The following TUBAL3 variants were observed in gnomAD, a reference collection of about 807,000 sequenced individuals.
TUBAL3 encodes tubulin alpha chain-like 3.
A neutral mutation model predicts 15.5 loss-of-function variants in TUBAL3; 16 were observed. The observed-to-expected ratio is 1.04, with a 90% CI of 0.70 to 1.57. TUBAL3 has a LOEUF of 1.57. TUBAL3 is among the 40% of genes most tolerant of loss of function. The pLI is 0.00. For synonymous variants in TUBAL3, 238 were observed against 224.3 expected, an observed-to-expected ratio of 1.06 and a Z score of -0.55; for missense variants, 609 against 576.2, an observed-to-expected ratio of 1.06 and a Z score of -0.58.
chr10:5,395,568 C>T lies in TUBAL3; in HGVS notation c.248-93G>A. 1.6e-6 allele frequency: 2 copies of T among 1,277,690 alleles called. No homozygotes were observed. Among genetic ancestry groups the T allele is most frequent in the Non-Finnish European group, 2.1e-6 (2 of 974,936 alleles). The allele number at this position is 1,277,690 out of a possible 1,614,324, so 79.1% of individuals were successfully genotyped here. ...CCTCCTGGAGCCTCCCCGTACTTGA[C>T]TCCCATGCTTTCTCTCAATATTGTG... On this transcript the variant is annotated intron_variant, in intron 2 of 3. Coordinates refer to ENST00000380419, the MANE Select transcript of TUBAL3 (RefSeq NM_024803.3). This position sits in a 1 kb window ranked among gnomAD's most constrained non-coding sequence, Gnocchi z 4.6.
chr10:5,401,211 A>T (rs967226246), intron 1 of TUBAL3, 124 bp from the exon 2 acceptor site: 4 of 1,200,986 alleles, frequency 3.3e-6, no homozygotes, highest in Non-Finnish European at 4.6e-6. Context: ...GGAATGTGTT[A>T]TAAGGATAAT....
At chr10:5,398,350 G>C (rs1831796353) in intron 2 of TUBAL3, among the ~76,000 whole-genome samples, 1 of 149,912 alleles carries the variant, frequency 6.7e-6, no homozygotes, top group African/African-American at 2.5e-5. Flanking sequence ...AACCCGGGAG[G>C]CACAGGTTGC....
Position 5,395,487 on chromosome 10 carries a change from GA to G in TUBAL3, c.248-13del. The G allele has an allele frequency of 6.7e-7, 1 of 1,497,622 alleles. No individual in the cohort carries two copies. The highest frequency in any genetic ancestry group is 9.0e-7 in the Non-Finnish European group (1 of 1,111,304). 92.8% of individuals were successfully genotyped at this position (1,497,622 alleles called of 1,614,324 possible). ...CGTCCGGATCCCATCTGCAGAGGGT[GA>G]AAGGAGGTCAGTGCAACTCACCCAG... On this transcript the variant is annotated splice_polypyrimidine_tract_variant and intron_variant, in intron 2 of 3. Coordinates refer to ENST00000380419, the MANE Select transcript of TUBAL3 (RefSeq NM_024803.3). This position sits in a 1 kb window ranked among gnomAD's most constrained non-coding sequence, Gnocchi z 4.6.
Position 5,397,979 on chromosome 10 carries a change from C to T in TUBAL3, c.248-2504G>A, listed in dbSNP as rs1554814305. 6.6e-6 allele frequency among the ~76,000 whole-genome samples: 1 copy of T among 152,170 alleles called. No homozygotes were observed. Among genetic ancestry groups the T allele is most frequent in the Non-Finnish European group, 1.5e-5 (1 of 68,040 alleles). On this transcript the variant is annotated intron_variant, in intron 2 of 3. Coordinates refer to ENST00000380419, the MANE Select transcript of TUBAL3 (RefSeq NM_024803.3). This position sits in a 1 kb window ranked among gnomAD's most constrained non-coding sequence, Gnocchi z 4.9. ...CTTCATGACTCTGAATTTGCAAATG[C>T]TGTCACCTCATGAGAAGGTGTGTGA... is the stretch of plus-strand genomic sequence containing the variant.
At chr10:5,400,518 G>A (rs2119146455) in intron 2 of TUBAL3, among the ~76,000 whole-genome samples, 1 of 152,270 alleles carries the variant, frequency 6.6e-6, no homozygotes, top group African/African-American at 2.4e-5. Context: ...TGTAATCCCA[G>A]CTACTCAGAG....
chr10:5,400,725 T>A lies in TUBAL3; in HGVS notation c.247+119A>T, dbSNP rs1248084585. 4.7e-6 allele frequency: 6 copies of A among 1,283,346 alleles called. No homozygotes were observed. The Admixed American group carries it at 9.4e-5, about 20-fold the overall frequency. 79.5% of individuals were successfully genotyped at this position (1,283,346 alleles called of 1,614,324 possible). A position where few individuals can be genotyped will look rare whatever the true frequency, so the allele number is the denominator to read the frequency against. On this transcript the variant is annotated intron_variant, in intron 2 of 3. Coordinates refer to ENST00000380419, the MANE Select transcript of TUBAL3 (RefSeq NM_024803.3). Reference sequence around the variant, plus strand: ...CATGGCCACTGAGTAAGCCTCTACATTTGGGAAAGGTCCATGTGATTCCAT... The same window carrying A: ...CATGGCCACTGAGTAAGCCTCTACAATTGGGAAAGGTCCATGTGATTCCAT...
At position 5,397,207 on chromosome 10, in the gene TUBAL3, T is replaced by C. The variant is rs145666466; in HGVS notation, c.248-1732A>G. ...GTGTTTCTGTTTAATAAGAGCACGATTGTTTTTCAATTCACCGTGCCTTCC... is the reference window on the plus strand; with the variant it reads ...GTGTTTCTGTTTAATAAGAGCACGACTGTTTTTCAATTCACCGTGCCTTCC... On this transcript the variant is annotated intron_variant, in intron 2 of 3. Transcript: ENST00000380419. The surrounding 1 kb of genome is among the most constrained non-coding windows in gnomAD (Gnocchi z 4.9). 1.5e-3 allele frequency among the ~76,000 whole-genome samples: 221 copies of C among 152,344 alleles called. No homozygotes were observed. Among genetic ancestry groups the C allele is most frequent in the Non-Finnish European group, 2.7e-3 (185 of 68,040 alleles).
intron 1 of TUBAL3, among the ~76,000 whole-genome samples, chr10:5,403,236 T>A (rs148369702): frequency 2.6e-4 from 39 of 152,346 alleles, no homozygotes; most frequent in African/African-American, 8.2e-4. Flanking sequence ...ATACCCCTTA[T>A]CAGGCTTCAG....
At chr10:5,398,224 C>T (rs542067302) in intron 2 of TUBAL3, among the ~76,000 whole-genome samples, 2 of 152,104 alleles carry the variant, frequency 1.3e-5, no homozygotes, top group East Asian at 3.9e-4. Context: ...AGTTCAAGAC[C>T]AGCCTGGCCA....
In TUBAL3 at chr10:5,396,281, G is replaced by T. The variant is rs1831763292; in HGVS notation, c.248-806C>A. On this transcript the variant is annotated intron_variant, in intron 2 of 3. Coordinates refer to ENST00000380419, the MANE Select transcript of TUBAL3 (RefSeq NM_024803.3). This position sits in a 1 kb window ranked among gnomAD's most constrained non-coding sequence, Gnocchi z 5.1. The stretch of plus-strand genomic sequence containing the variant: ...CCAGCACTTTGGGAGGCTGAGGCAG[G>T]TGGATCACTTGAGGTCAGGAGCTTG... Among the ~76,000 whole-genome samples, 1 of 152,168 alleles carries T rather than the reference G, an allele frequency of 6.6e-6. No individual in the cohort carries two copies. Among genetic ancestry groups the T allele is most frequent in the African/African-American group, 2.4e-5 (1 of 41,440 alleles).
chr10:5,398,857 AATT>A (rs1234625183), intron 2 of TUBAL3, among the ~76,000 whole-genome samples: 1 of 152,204 alleles, frequency 6.6e-6, no homozygotes, highest in Non-Finnish European at 1.5e-5. Context: ...AGGGAGGTCA[AATT>A]ATTGGACACA....
At position 5,395,487 on chromosome 10, in the gene TUBAL3, G is replaced by A. The variant is rs781953123; in HGVS notation, c.248-12C>T. The A allele has an allele frequency of 3.3e-6, 5 of 1,497,506 alleles. No individual in the cohort carries two copies. In the Admixed American group the frequency reaches 6.0e-5, roughly 18 times the overall value. The allele number at this position is 1,497,506 out of a possible 1,614,324, so 92.8% of individuals were successfully genotyped here. A position where few individuals can be genotyped will look rare whatever the true frequency, so the allele number is the denominator to read the frequency against. ...CGTCCGGATCCCATCTGCAGAGGGTGAAAGGAGGTCAGTGCAACTCACCCA... is the reference window on the plus strand; with the variant it reads ...CGTCCGGATCCCATCTGCAGAGGGTAAAAGGAGGTCAGTGCAACTCACCCA... On this transcript the variant is annotated splice_polypyrimidine_tract_variant and intron_variant, in intron 2 of 3. Coordinates refer to ENST00000380419, the MANE Select transcript of TUBAL3 (RefSeq NM_024803.3). The surrounding 1 kb of genome is among the most constrained non-coding windows in gnomAD (Gnocchi z 4.6).
chr10:5,394,539 C>T lies in TUBAL3; in HGVS notation c.397-78G>A. 7.4e-7 allele frequency: 1 copy of T among 1,354,620 alleles called. No individual in the cohort carries two copies. The highest frequency in any genetic ancestry group is 2.4e-5 in the Admixed American group (1 of 41,074). 83.9% of individuals were successfully genotyped at this position (1,354,620 alleles called of 1,614,324 possible). ...TGAATTGGACAGTAGTGGCAGGATA[C>T]AACAGGTTTCCCCAAAACAAAATCT... On this transcript the variant is annotated intron_variant, in intron 3 of 3. Transcript: ENST00000380419. The surrounding 1 kb of genome is among the most constrained non-coding windows in gnomAD (Gnocchi z 4.3).
Position 5,394,096 on chromosome 10 carries a change from G to A in TUBAL3, c.762C>T (p.Pro254=), listed in dbSNP as rs782268673. The change falls in exon 4 of 4, where the codon CCC becomes CCT. Residue 254 remains proline (P), a synonymous_variant. Transcript: ENST00000380419. This position sits in a 1 kb window ranked among gnomAD's most constrained non-coding sequence, Gnocchi z 4.3. ...GGAATTCAATTAGGTCTACATTCAA[G>A]GGCCCTTCAAACCGGAGGGAGGCAG... is the stretch of plus-strand genomic sequence containing the variant. ...SITASLRFEG[P]LNVDLIEFQT... is the part of the protein sequence containing the mutation. 2 of 1,614,204 alleles carry A rather than the reference G, an allele frequency of 1.2e-6. No individual in the cohort carries two copies. Among genetic ancestry groups the A allele is most frequent in the Non-Finnish European group, 8.5e-7 (1 of 1,180,040 alleles).
intron 1 of TUBAL3, among the ~76,000 whole-genome samples, chr10:5,402,571 C>T (rs1050375793): frequency 2.0e-5 from 3 of 152,222 alleles, no homozygotes; most frequent in African/African-American, 7.2e-5. Flanking sequence ...AATCCCTCAC[C>T]TGTGGTCTAC....
intron 1 of TUBAL3, among the ~76,000 whole-genome samples, chr10:5,401,480 C>T (rs2119148188): frequency 1.3e-5 from 2 of 151,566 alleles, no homozygotes; most frequent in South Asian, 4.2e-4. Flanking sequence ...ATCAAGTGGG[C>T]TTGTCTAGAA....
At chr10:5,404,705 TATTAAGA>T in intron 1 of TUBAL3, 78 bp downstream of exon 1, 1 of 1,385,390 alleles carries the variant, frequency 7.2e-7, no homozygotes, top group Non-Finnish European at 1.0e-6. Flanking sequence ...ATTACAATTT[TATTAAGA>T]ATTGTTTGCT....
chr10:5,393,218 C>G lies in TUBAL3; in HGVS notation c.*299G>C, dbSNP rs3255. On this transcript the variant is annotated 3_prime_UTR_variant, in exon 4 of 4. Coordinates refer to ENST00000380419, the MANE Select transcript of TUBAL3 (RefSeq NM_024803.3). ...TACCAGAAAGGAAAAGCATAAACTTCAGGATTTCATTGTCTCTTGGTAAAA... is the reference window on the plus strand; with the variant it reads ...TACCAGAAAGGAAAAGCATAAACTTGAGGATTTCATTGTCTCTTGGTAAAA... 6 of 292,862 alleles carry G rather than the reference C, an allele frequency of 2.0e-5. No individual in the cohort carries two copies. The East Asian group carries it at 3.6e-4, about 17-fold the overall frequency. The allele number at this position is 292,862 out of a possible 1,614,324, so 18.1% of individuals were successfully genotyped here.
chr10:5,393,336 C>T lies in TUBAL3; in HGVS notation c.*181G>A. 1 of 568,802 alleles carries T rather than the reference C, an allele frequency of 1.8e-6. No homozygotes were observed. Among genetic ancestry groups the T allele is most frequent in the East Asian group, 2.9e-5 (1 of 34,862 alleles). 35.2% of individuals were successfully genotyped at this position (568,802 alleles called of 1,614,324 possible). A position where few individuals can be genotyped will look rare whatever the true frequency, so the allele number is the denominator to read the frequency against. ...AGCAGAGCTGACTTGTACCAGTAGA[C>T]CAGGAAATAATGTGTTCATTGTTGG... is the stretch of plus-strand genomic sequence containing the variant. On this transcript the variant is annotated 3_prime_UTR_variant, in exon 4 of 4. Coordinates refer to ENST00000380419, the MANE Select transcript of TUBAL3 (RefSeq NM_024803.3).
Sources: gnomAD v4.1 joint callset for allele counts (sites outside exome capture counted in the v4.1 genomes callset) on GRCh38, gnomAD v4.1.1 for gene constraint, Gnocchi (gnomAD v3.1) non-coding constraint, MANE v1.5 for transcripts, NCBI Gene and HGNC (gene_info 2026-07-23, HGNC 2026-07-21) for gene names.